CPAMD8: variants seen among roughly 807,000 people sequenced by gnomAD.
The protein encoded by CPAMD8 is C3 and PZP-like alpha-2-macroglobulin domain-containing protein 8.
In CPAMD8, 146 loss-of-function variants were observed where a neutral mutation model predicts 224.7. The ratio of observed to expected loss-of-function variants is 0.65; its 90% CI spans 0.57 to 0.75. CPAMD8 has a LOEUF of 0.75. Among genes scored for constraint, CPAMD8 ranks in the 30% least tolerant of loss-of-function variants. The pLI, the probability that CPAMD8 is intolerant of heterozygous loss-of-function variation, is 0.00. For synonymous variants in CPAMD8, 966 were observed against 1,044.6 expected (o/e 0.92, Z 1.45); for missense variants, 2,301 against 2,537.5 (o/e 0.91, Z 2.00).
intron 25 of CPAMD8, among the ~76,000 whole-genome samples, chr19:16,927,354 C>A (rs529247614): frequency 3.9e-5 from 6 of 152,100 alleles, no homozygotes; most frequent in Non-Finnish European, 8.8e-5. Flanking sequence ...CCATGTAAGA[C>A]GTACCTGTCG....
intron 1 of CPAMD8, among the ~76,000 whole-genome samples, chr19:17,025,017 C>A (rs1212702453): frequency 6.6e-6 from 1 of 152,204 alleles, no homozygotes; most frequent in Non-Finnish European, 1.5e-5. Context: ...ACATCTCTTC[C>A]CCAGTGTGTC....
Position 16,999,925 on chromosome 19 carries a change from G to T in CPAMD8, c.867+489C>A, listed in dbSNP as rs372964355. Among the ~76,000 whole-genome samples, 4 of 152,168 alleles carry T rather than the reference G, an allele frequency of 2.6e-5. 1 individual carries two copies. The South Asian group carries it at 8.3e-4, about 32-fold the overall frequency. ...ATTCATGGCCTCAAGTGATCCGCCC[G>T]CCTTGGCCTCCCAAAGTGCTGGGAT... On this transcript the variant is annotated intron_variant, in intron 10 of 41. Coordinates refer to ENST00000443236, the MANE Select transcript of CPAMD8 (RefSeq NM_015692.5).
At chr19:17,020,091 C>T (rs1306220629) in intron 3 of CPAMD8, among the ~76,000 whole-genome samples, 1 of 151,280 alleles carries the variant, frequency 6.6e-6, no homozygotes, top group Non-Finnish European at 1.5e-5. Flanking sequence ...TCTCCTGCCT[C>T]AGCCTCCCGA....
chr19:16,937,963 C>A (rs1007211191), intron 23 of CPAMD8, among the ~76,000 whole-genome samples: 1 of 152,032 alleles, frequency 6.6e-6, no homozygotes, highest in African/African-American at 2.4e-5. Flanking sequence ...CAACTTTGTA[C>A]TTTTAGTATT....
intron 28 of CPAMD8, 45 bp from the exon 29 acceptor site, chr19:16,914,543 TCCACTTCCCC>T: frequency 1.9e-6 from 3 of 1,610,782 alleles, no homozygotes; most frequent in African/African-American, 1.3e-5. Context: ...AAGGAGACAG[TCCACTTCCCC>T]CCACTTCCCC....
intron 8 of CPAMD8, 128 bp from the exon 9 acceptor site, chr19:17,002,478 T>A: frequency 1.6e-6 from 1 of 622,558 alleles, no homozygotes; most frequent in South Asian, 1.9e-5. Context: ...ACTGTACCCA[T>A]CCACACCACT....
chr19:16,961,670 C>T (rs1333035971), intron 18 of CPAMD8, among the ~76,000 whole-genome samples: 1 of 152,220 alleles, frequency 6.6e-6, no homozygotes, highest in Admixed American at 6.5e-5. Flanking sequence ...AGTCATTCTC[C>T]CAGCATGGCG....
intron 18 of CPAMD8, among the ~76,000 whole-genome samples, chr19:16,962,559 C>T (rs2054691724): frequency 6.6e-6 from 1 of 152,116 alleles, no homozygotes; most frequent in Non-Finnish European, 1.5e-5. Context: ...ACCAAATCTA[C>T]GTCTGATTGG....
At chr19:17,020,230 T>C in intron 3 of CPAMD8, 101 bp downstream of exon 3, 1 of 911,278 alleles carries the variant, frequency 1.1e-6, no homozygotes, top group Non-Finnish European at 1.8e-6. Context: ...CACCTCGGCC[T>C]TCCAAAGTGC....
intron 27 of CPAMD8, among the ~76,000 whole-genome samples, chr19:16,916,118 A>T (rs989908803): frequency 6.6e-6 from 1 of 151,874 alleles, no homozygotes; most frequent in Non-Finnish European, 1.5e-5. Context: ...AGCTCAAGCG[A>T]TTCTCCCACT....
At chr19:17,002,172 C>T in intron 9 of CPAMD8, 94 bp downstream of exon 9, 2 of 799,372 alleles carry the variant, frequency 2.5e-6, no homozygotes, top group Non-Finnish European at 4.2e-6. Context: ...GGGAGGGAGG[C>T]AGCAGAGGAG....
At chr19:16,927,333 T>C (rs192902793) in intron 25 of CPAMD8, among the ~76,000 whole-genome samples, 196 of 151,916 alleles carry the variant, frequency 1.3e-3, no homozygotes, top group Middle Eastern at 3.4e-3. Flanking sequence ...ATTCTCTCAT[T>C]CTCCCTGGGA....
At chr19:16,913,181 G>T (rs184635866) in intron 29 of CPAMD8, among the ~76,000 whole-genome samples, 1 of 152,232 alleles carries the variant, frequency 6.6e-6, no homozygotes, top group East Asian at 1.9e-4. Flanking sequence ...CATTTGGGAG[G>T]TGACATATTT....
chr19:16,947,068 C>G lies in CPAMD8; in HGVS notation c.2662+6G>C. The G allele has an allele frequency of 6.3e-7, 1 of 1,598,812 alleles. No individual in the cohort carries two copies. Among genetic ancestry groups the G allele is most frequent in the Non-Finnish European group, 8.5e-7 (1 of 1,171,312 alleles). ...GGGGACACCCCAAGAACTGTGGGGT[C>G]CTCACCCGTGATGTTGTTGAGTCCC... On this transcript the variant is annotated splice_donor_region_variant and intron_variant, in intron 21 of 41. Coordinates refer to ENST00000443236, the MANE Select transcript of CPAMD8 (RefSeq NM_015692.5).
rs200291261 is a variant in CPAMD8, at chr19:16,980,591, C to T, written c.1491G>A (p.Ser497=). ...GGGTGGTGTGGGCAGGCTGCTGGCCCGATAGCACAATATTGCCCCGTGCAG... is the reference window on the plus strand; with the variant it reads ...GGGTGGTGTGGGCAGGCTGCTGGCCTGATAGCACAATATTGCCCCGTGCAG... ...EVAARGNIVL[S]GQQPAHTTQQ... Residue 497 remains serine (S), a synonymous_variant, in exon 14 of 42, where the codon TCG becomes TCA. Coordinates refer to ENST00000443236, the MANE Select transcript of CPAMD8 (RefSeq NM_015692.5). 10 of 1,613,304 alleles carry T rather than the reference C, an allele frequency of 6.2e-6. No homozygotes were observed. Among genetic ancestry groups the T allele is most frequent in the African/African-American group, 2.7e-5 (2 of 74,868 alleles).
chr19:16,989,337 A>G (rs1430187083), intron 13 of CPAMD8, among the ~76,000 whole-genome samples: 1 of 152,006 alleles, frequency 6.6e-6, no homozygotes, highest in Non-Finnish European at 1.5e-5. Flanking sequence ...CCCAGGCTGG[A>G]GTGCAGTGGT....
chr19:17,007,131 C>G (rs1378733316), intron 7 of CPAMD8, among the ~76,000 whole-genome samples: 1 of 151,912 alleles, frequency 6.6e-6, no homozygotes, highest in African/African-American at 2.4e-5. Context: ...TTTGGGAGTT[C>G]AAGACCAGCC....
At chr19:16,909,744 C>CA (rs35170485) in intron 29 of CPAMD8, among the ~76,000 whole-genome samples, 96,978 of 148,616 alleles carry the variant, frequency 0.65, 31,660 homozygotes, top group African/African-American at 0.72. Flanking sequence ...AACTTCGTCT[C>CA]AAAAAAAAAA....
Position 16,897,879 on chromosome 19 carries a change from G to A in CPAMD8, c.4954+10C>T. On this transcript the variant is annotated intron_variant, in intron 38 of 41. Transcript: ENST00000443236. ...CGGGCCGGGCCGGGGGTGCGGGCGC[G>A]CGGGCCTACCGGGTTCGTAGTAGTC... The A allele has an allele frequency of 2.5e-6, 4 of 1,600,166 alleles. No homozygotes were observed. Among genetic ancestry groups the A allele is most frequent in the Non-Finnish European group, 3.4e-6 (4 of 1,173,842 alleles).
Sources: gnomAD v4.1 joint callset for allele counts (sites outside exome capture counted in the v4.1 genomes callset) on GRCh38, gnomAD v4.1.1 for gene constraint, MANE v1.5 for transcripts, NCBI Gene and HGNC (gene_info 2026-07-23, HGNC 2026-07-21) for gene names.